The following HAUS6 variants were observed in gnomAD, a reference collection of about 807,000 sequenced individuals.
The protein encoded by HAUS6 is HAUS augmin-like complex subunit 6.
HAUS6 carries 80 observed loss-of-function variants against 106.8 expected under a neutral mutation model. That is an observed-to-expected ratio of 0.75 (90% CI 0.63 to 0.90). The LOEUF (loss-of-function observed/expected upper bound fraction) is 0.90, where lower values mean the gene tolerates loss of function less well. HAUS6 is among the 40% of genes least tolerant of loss of function. The pLI is 0.00. For synonymous variants in HAUS6, 356 were observed against 379.1 expected (o/e 0.94, Z 0.71); for missense variants, 1,155 against 1,118.1 (o/e 1.03, Z -0.47).
At chr9:19,101,380 A>G (rs1817984080) in intron 1 of HAUS6, among the ~76,000 whole-genome samples, 1 of 151,990 alleles carries the variant, frequency 6.6e-6, no homozygotes, top group Admixed American at 6.6e-5. Flanking sequence ...AGTCCCAGCT[A>G]CTCAGGAGGG....
intron 4 of HAUS6, 141 bp downstream of exon 4, chr9:19,093,030 A>G (rs1288208731): frequency 4.8e-6 from 3 of 629,278 alleles, no homozygotes; most frequent in African/African-American, 3.7e-5. Flanking sequence ...TTCCAGTAGA[A>G]TATTAACCAT....
chr9:19,092,543 A>G (rs1399397510), intron 4 of HAUS6, among the ~76,000 whole-genome samples: 1 of 144,724 alleles, frequency 6.9e-6, no homozygotes, highest in Non-Finnish European at 1.5e-5. Flanking sequence ...TGAACCCAGG[A>G]GGCAGAGGTT....
intron 8 of HAUS6, among the ~76,000 whole-genome samples, chr9:19,081,710 AT>A (rs1307757486): frequency 1.3e-5 from 2 of 152,122 alleles, no homozygotes; most frequent in Non-Finnish European, 2.9e-5. Flanking sequence ...AAGTGTTGGG[AT>A]TATAGGTGTG....
At chr9:19,095,043 A>C (rs1817831641) in intron 2 of HAUS6, among the ~76,000 whole-genome samples, 1 of 152,042 alleles carries the variant, frequency 6.6e-6, no homozygotes, top group South Asian at 2.1e-4. Flanking sequence ...TTAGTAAATT[A>C]AGCCTGAAAA....
At chr9:19,080,772 A>AT in intron 8 of HAUS6, 100 bp from the exon 9 acceptor site, 1 of 709,428 alleles carries the variant, frequency 1.4e-6, no homozygotes, top group Non-Finnish European at 2.3e-6. Flanking sequence ...AGTTTACCTT[A>AT]AAGAAGAGGG....
intron 11 of HAUS6, among the ~76,000 whole-genome samples, chr9:19,072,673 A>C (rs1836904921): frequency 6.6e-6 from 1 of 152,226 alleles, no homozygotes; most frequent in Non-Finnish European, 1.5e-5. Context: ...AAATGAGTGC[A>C]AATGAAGACA....
chr9:19,081,515 T>C (rs767821255), intron 8 of HAUS6, among the ~76,000 whole-genome samples: 9 of 151,980 alleles, frequency 5.9e-5, no homozygotes, highest in Non-Finnish European at 1.3e-4. Context: ...TCTTGGCTCA[T>C]TGCAGCCTCC....
chr9:19,079,578 G>C (rs1837091523), intron 9 of HAUS6, among the ~76,000 whole-genome samples: 1 of 151,990 alleles, frequency 6.6e-6, no homozygotes, highest in African/African-American at 2.4e-5. Context: ...CTAAACTTGA[G>C]TAGAACTTTC....
Position 19,067,765 on chromosome 9 carries a change from C to T in HAUS6, c.1376+2454G>A, listed in dbSNP as rs531087415. Among the ~76,000 whole-genome samples, 50 of 152,130 alleles carry T rather than the reference C, an allele frequency of 3.3e-4. 1 individual carries two copies. In the South Asian group the frequency reaches 8.3e-3, roughly 25 times the overall value. On this transcript the variant is annotated intron_variant, in intron 12 of 16. Coordinates refer to ENST00000380502, the MANE Select transcript of HAUS6 (RefSeq NM_017645.5). ...GTGCAATGGTGCAACCTCGGCTCGC[C>T]GCAACCTCCGCCACCTGGGTTCAAG...
intron 9 of HAUS6, among the ~76,000 whole-genome samples, chr9:19,079,594 C>T (rs1451795020): frequency 1.3e-5 from 2 of 152,084 alleles, no homozygotes; most frequent in Non-Finnish European, 2.9e-5. Flanking sequence ...CTTTCACTCC[C>T]ACTCTCTGTC....
intron 7 of HAUS6, among the ~76,000 whole-genome samples, chr9:19,083,367 C>G (rs1837208048): frequency 6.6e-6 from 1 of 152,024 alleles, no homozygotes; most frequent in South Asian, 2.1e-4. Context: ...ATCAGCCTCC[C>G]AAGTAGCTGG....
intron 3 of HAUS6, 67 bp from the exon 4 acceptor site, chr9:19,093,370 C>G: frequency 7.4e-7 from 1 of 1,359,686 alleles, no homozygotes; most frequent in South Asian, 1.2e-5. Flanking sequence ...TTACATCACA[C>G]TATTTTTGTT....
intron 2 of HAUS6, among the ~76,000 whole-genome samples, chr9:19,095,146 T>G (rs1165611819): frequency 1.3e-5 from 2 of 151,652 alleles, no homozygotes; most frequent in African/African-American, 2.4e-5. Context: ...GAGATAATCC[T>G]TATCATAACT....
intron 4 of HAUS6, among the ~76,000 whole-genome samples, chr9:19,090,554 C>T (rs558753660): frequency 2.6e-5 from 4 of 152,088 alleles, no homozygotes; most frequent in East Asian, 1.9e-4. Flanking sequence ...TTAGTAGAGA[C>T]GGGTTTCACC....
chr9:19,090,693 A>G (rs983820718), intron 4 of HAUS6, among the ~76,000 whole-genome samples: 7 of 152,184 alleles, frequency 4.6e-5, no homozygotes, highest in Admixed American at 4.6e-4. Flanking sequence ...AAGAAAGTCA[A>G]TATAAAAAGA....
In HAUS6 at chr9:19,058,093, T is replaced by C. The variant is rs141588958; in HGVS notation, c.2674A>G (p.Ile892Val). 4.3e-6 allele frequency: 7 copies of C among 1,614,058 alleles called. No homozygotes were observed. In the African/African-American group the frequency reaches 6.7e-5, roughly 15 times the overall value. The change falls in exon 16 of 17, where the codon ATA (isoleucine) becomes GTA (valine). Residue 892 changes from isoleucine (I) to valine (V), a missense_variant. By Grantham distance (29) the Ile-to-Val change is conservative. Transcript: ENST00000380502. ...ATGGACGTGCGTAAAGATGGCTTTA[T>C]ATGCTCAGTATGCAAATCACAGGTG... ...LDTCDLHTEH[I>V]KPSLRTSIGE...
chr9:19,087,465 G>A (rs945233872), intron 5 of HAUS6, among the ~76,000 whole-genome samples: 2 of 152,106 alleles, frequency 1.3e-5, no homozygotes, highest in Non-Finnish European at 2.9e-5. Context: ...ATACAGTCAG[G>A]CAACATTTCA....
At chr9:19,095,504 C>CA (rs35289506) in intron 2 of HAUS6, among the ~76,000 whole-genome samples, 66,593 of 136,402 alleles carry the variant, frequency 0.49, 15,556 homozygotes, top group Non-Finnish European at 0.55. Context: ...TGATAATCAG[C>CA]AAAAAAAAAA....
chr9:19,093,162 T>G lies in HAUS6; in HGVS notation c.436+9A>C. The G allele has an allele frequency of 6.7e-7, 1 of 1,502,340 alleles. No individual in the cohort carries two copies. Among genetic ancestry groups the G allele is most frequent in the Non-Finnish European group, 9.0e-7 (1 of 1,104,982 alleles). 93.1% of individuals were successfully genotyped at this position (1,502,340 alleles called of 1,614,324 possible). A position where few individuals can be genotyped will look rare whatever the true frequency, so the allele number is the denominator to read the frequency against. ...TCAAAACAAAAAATCTTTTATAAGTTGAACTTACTTTTAGAATTGGATTTA... is the reference window on the plus strand; with the variant it reads ...TCAAAACAAAAAATCTTTTATAAGTGGAACTTACTTTTAGAATTGGATTTA... On this transcript the variant is annotated intron_variant, in intron 4 of 16. Transcript: ENST00000380502.
Sources: gnomAD v4.1 joint callset for allele counts (sites outside exome capture counted in the v4.1 genomes callset) on GRCh38, gnomAD v4.1.1 for gene constraint, MANE v1.5 for transcripts, NCBI Gene and HGNC (gene_info 2026-07-23, HGNC 2026-07-21) for gene names.